The following FOXP2 variants were observed in gnomAD, a reference collection of about 807,000 sequenced individuals.
The protein encoded by FOXP2 is forkhead box P2, also known as forkhead box protein P2.
In FOXP2, 12 loss-of-function variants were observed where a neutral mutation model predicts 115.8. That is an observed-to-expected ratio of 0.10 (90% CI 0.07 to 0.17). The LOEUF is 0.17. Ranked by LOEUF, FOXP2 falls within the 10% of genes least tolerant of loss-of-function variation. FOXP2 has a pLI of 1.00. For missense variants in FOXP2, 629 were observed against 843.5 expected, an observed-to-expected ratio of 0.75 and a Z score of 3.15; for synonymous variants, 328 against 297.7, an observed-to-expected ratio of 1.10 and a Z score of -1.05.
At chr7:114,334,901 T>TATATATATATATTTTATATATATA (rs1797804229) in intron 2 of FOXP2, among the ~76,000 whole-genome samples, 5 of 141,412 alleles carry the variant, frequency 3.5e-5, no homozygotes, top group African/African-American at 1.3e-4. Flanking sequence ...TGTGTGTGTG[T>TATATATATATATTTTATATATATA]GTATATATAT....
At chr7:114,499,128 T>C (rs1797452285) in intron 2 of FOXP2, 5 of 528,358 alleles carry the variant, frequency 9.5e-6, no homozygotes, top group Non-Finnish European at 1.7e-5. Context: ...TGAGAACCAC[T>C]GGCCTAGAAG....
intron 3 of FOXP2, among the ~76,000 whole-genome samples, chr7:114,542,794 GTTTTTTT>G (rs201884118): frequency 7.2e-6 from 1 of 138,942 alleles, no homozygotes; most frequent in Non-Finnish European, 1.6e-5. Flanking sequence ...TTTGTTTTTT[GTTTTTTT>G]TTTTTTTGAG....
At chr7:114,156,568 G>C (rs1429725150) in intron 1 of FOXP2, among the ~76,000 whole-genome samples, 1 of 152,088 alleles carries the variant, frequency 6.6e-6, no homozygotes, top group Admixed American at 6.6e-5. Flanking sequence ...TTCAAGACCA[G>C]ACCATTGTAT....
intron 2 of FOXP2, among the ~76,000 whole-genome samples, chr7:114,445,361 A>G (rs1299895106): frequency 6.6e-6 from 1 of 152,164 alleles, no homozygotes; most frequent in African/African-American, 2.4e-5. Flanking sequence ...TAAAAGTGTT[A>G]TGGTGACCCT....
intron 1 of FOXP2, among the ~76,000 whole-genome samples, chr7:114,116,146 C>T (rs995893927): frequency 6.6e-5 from 10 of 152,042 alleles, no homozygotes; most frequent in South Asian, 2.1e-4. Flanking sequence ...CAAGTGACAC[C>T]GTTGGAACAA....
intron 1 of FOXP2, among the ~76,000 whole-genome samples, chr7:114,210,105 A>T (rs1794306123): frequency 6.6e-6 from 1 of 152,108 alleles, no homozygotes; most frequent in African/African-American, 2.4e-5. Context: ...GTTTGTTATT[A>T]GCCACCTTAG....
intron 2 of FOXP2, among the ~76,000 whole-genome samples, chr7:114,299,783 G>A (rs1796833293): frequency 6.6e-6 from 1 of 152,006 alleles, no homozygotes; most frequent in Non-Finnish European, 1.5e-5. Flanking sequence ...GTTTAGGGAA[G>A]AGGATTGAGG....
chr7:114,547,955 G>A (rs6953572), intron 3 of FOXP2, among the ~76,000 whole-genome samples: 30,320 of 151,964 alleles, frequency 0.2, 4,021 homozygotes, highest in African/African-American at 0.38. Flanking sequence ...TAGCTACTCT[G>A]TTTAGGATTA....
upstream of FOXP2, among the ~76,000 whole-genome samples, chr7:114,410,264 A>G (rs1793131448): frequency 6.6e-6 from 1 of 152,076 alleles, no homozygotes; most frequent in Non-Finnish European, 1.5e-5. Flanking sequence ...CAGAGACTAG[A>G]TCGGATTTTA....
Position 114,691,814 on chromosome 7 carries a change from G to A in FOXP2, c.*1888G>A, listed in dbSNP as rs754665066. 20 of 451,938 alleles carry A rather than the reference G, an allele frequency of 4.4e-5. No homozygotes were observed. Among genetic ancestry groups the A allele is most frequent in the Admixed American group, 1.2e-4 (5 of 42,050 alleles). The allele number at this position is 451,938 out of a possible 1,614,324, so 28.0% of individuals were successfully genotyped here. A position where few individuals can be genotyped will look rare whatever the true frequency, so the allele number is the denominator to read the frequency against. ...CATCATTGATTCTTTGCTGAAGTCA[G>A]CAAATAGAGTTAGAGAGATACCCAG... On this transcript the variant is annotated 3_prime_UTR_variant, in exon 17 of 17. Transcript: ENST00000350908.
intron 2 of FOXP2, among the ~76,000 whole-genome samples, chr7:114,342,370 ATAGT>A (rs952466289): frequency 8.8e-4 from 133 of 151,538 alleles, no homozygotes; most frequent in African/African-American, 2.8e-3. Flanking sequence ...TTTATTCAAT[ATAGT>A]TATAGTTCCA....
At chr7:114,254,889 C>T (rs948909582) in intron 1 of FOXP2, among the ~76,000 whole-genome samples, 3 of 152,168 alleles carry the variant, frequency 2.0e-5, no homozygotes, top group African/African-American at 7.2e-5. Flanking sequence ...GAATTTTCAG[C>T]TTTTCTGCTC....
chr7:114,476,197 G>A (rs1218909973), intron 2 of FOXP2, among the ~76,000 whole-genome samples: 1 of 150,920 alleles, frequency 6.6e-6, no homozygotes, highest in East Asian at 1.9e-4. Context: ...TCTTTGTCAA[G>A]ACTGATGTTG....
intron 2 of FOXP2, among the ~76,000 whole-genome samples, chr7:114,392,659 C>T (rs115380188): frequency 0.074 from 11,240 of 152,218 alleles, 441 homozygotes; most frequent in Middle Eastern, 0.15. Context: ...CTTTCATTGT[C>T]AGGCTCCACA....
At position 114,612,825 on chromosome 7, in the gene FOXP2, G is replaced by A. The variant is rs183649486; in HGVS notation, c.259-15715G>A. ...TATATTTCCATAGTGTTCTTGAAGC[G>A]ATCTAATACAGTTTATCTAATTTTC... On this transcript the variant is annotated intron_variant, in intron 3 of 16. Coordinates refer to ENST00000350908, the MANE Select transcript of FOXP2 (RefSeq NM_014491.4). 2.5e-3 allele frequency among the ~76,000 whole-genome samples: 382 copies of A among 152,208 alleles called. 1 individual carries two copies. The highest frequency in any genetic ancestry group is 8.8e-3 in the African/African-American group (366 of 41,548).
At chr7:114,381,897 G>T (rs564311300) in intron 2 of FOXP2, among the ~76,000 whole-genome samples, 29 of 152,240 alleles carry the variant, frequency 1.9e-4, no homozygotes, top group Non-Finnish European at 1.3e-4. Context: ...AGTTTAACTT[G>T]AACAGGACGG....
At chr7:114,606,121 G>T (rs1326849898) in intron 3 of FOXP2, among the ~76,000 whole-genome samples, 1 of 152,170 alleles carries the variant, frequency 6.6e-6, no homozygotes, top group African/African-American at 2.4e-5. Context: ...AAATAGAATT[G>T]AGGTAGAAGA....
chr7:114,228,786 A>G (rs916029254), intron 1 of FOXP2, among the ~76,000 whole-genome samples: 1 of 151,738 alleles, frequency 6.6e-6, no homozygotes, highest in African/African-American at 2.4e-5. Context: ...AACAAAGTAT[A>G]GAACTACAAA....
intron 2 of FOXP2, among the ~76,000 whole-genome samples, chr7:114,440,829 C>A (rs1264615204): frequency 1.3e-5 from 2 of 151,666 alleles, no homozygotes; most frequent in Non-Finnish European, 2.9e-5. Flanking sequence ...ATAACAATCA[C>A]AATGATAATT....
Sources: gnomAD v4.1 joint callset for allele counts (sites outside exome capture counted in the v4.1 genomes callset) on GRCh38, gnomAD v4.1.1 for gene constraint, MANE v1.5 for transcripts, NCBI Gene and HGNC (gene_info 2026-07-23, HGNC 2026-07-21) for gene names.